Variants in PXDNL observed in about 807,000 individuals in gnomAD.
PXDNL encodes peroxidasin like.
A neutral mutation model predicts 150.8 loss-of-function variants in PXDNL; 145 were observed. The ratio of observed to expected loss-of-function variants is 0.96; its 90% confidence interval spans 0.84 to 1.10. The LOEUF (loss-of-function observed/expected upper bound fraction) is 1.10. Among genes scored for constraint, PXDNL ranks in the 50% least tolerant of loss-of-function variants. The probability of loss-of-function intolerance (pLI) is 0.00; values close to 1 mark genes in which losing one functional copy is unlikely to be tolerated. For missense variants in PXDNL, 2,087 were observed against 1,873.9 expected (o/e 1.11, Z -2.10); for synonymous variants, 757 against 725.7 (o/e 1.04, Z -0.69).
intron 4 of PXDNL, among the ~76,000 whole-genome samples, chr8:51,514,508 A>G (rs747326312): frequency 6.6e-6 from 1 of 152,232 alleles, no homozygotes; most frequent in Admixed American, 6.5e-5. Flanking sequence ...TGTTTTGATA[A>G]TTCAAATGTT....
chr8:51,408,060 T>C lies in PXDNL; in HGVS notation c.3557+7A>G. 6.3e-7 allele frequency: 1 copy of C among 1,593,562 alleles called. No individual in the cohort carries two copies. The highest frequency in any genetic ancestry group is 8.5e-7 in the Non-Finnish European group (1 of 1,171,296). ...TGTTTAAATCCAGGCAGCATTTGCA[T>C]ACTTACTTTCTCAGTTTTTGTCTAA... On this transcript the variant is annotated splice_region_variant and intron_variant, in intron 17 of 22. Coordinates refer to ENST00000356297, the MANE Select transcript of PXDNL (RefSeq NM_144651.5).
intron 1 of PXDNL, among the ~76,000 whole-genome samples, chr8:51,792,746 C>G (rs1209262888): frequency 6.6e-6 from 1 of 152,208 alleles, no homozygotes; most frequent in African/African-American, 2.4e-5. Context: ...CAGGCCAGAC[C>G]TTGACCCAGC....
Position 51,735,555 on chromosome 8 carries a change from T to TTTGTTTTTTTTTTG in PXDNL, c.164+73625_164+73626insCAAAAAAAAAACAA, listed in dbSNP as rs1554510840. 2.6e-5 allele frequency among the ~76,000 whole-genome samples: 3 copies of TTTGTTTTTTTTTTG among 114,712 alleles called. 1 individual carries two copies. The highest frequency in any genetic ancestry group is 5.3e-5 in the Non-Finnish European group (3 of 57,090). The allele number at this position is 114,712 out of a possible 152,430, so 75.3% of individuals were successfully genotyped here. On this transcript the variant is annotated intron_variant, in intron 1 of 22. Coordinates refer to ENST00000356297, the MANE Select transcript of PXDNL (RefSeq NM_144651.5). ...TTTTTTTTTTTTTTTTTTTTTTTTTTTTTTTTTTTGAGACGGAGTCTCGCT... is the reference window on the plus strand; with the variant it reads ...TTTTTTTTTTTTTTTTTTTTTTTTTTTTGTTTTTTTTTTGTTTTTTTTTGAGACGGAGTCTCGCT...
intron 1 of PXDNL, among the ~76,000 whole-genome samples, chr8:51,719,203 G>A (rs538435718): frequency 6.6e-6 from 1 of 152,362 alleles, no homozygotes; most frequent in Admixed American, 6.5e-5. Context: ...AATAGAAAAG[G>A]GGTAAATGTG....
chr8:51,429,508 G>A (rs1250709232), intron 12 of PXDNL, among the ~76,000 whole-genome samples: 1 of 152,062 alleles, frequency 6.6e-6, no homozygotes, highest in Admixed American at 6.6e-5. Flanking sequence ...TTGAACTGGG[G>A]AGGTGGAGGT....
chr8:51,607,557 G>C (rs554620757), intron 2 of PXDNL, among the ~76,000 whole-genome samples: 1 of 152,108 alleles, frequency 6.6e-6, no homozygotes, highest in East Asian at 1.9e-4. Context: ...AAAGCAGAGA[G>C]GGGCCGGGCA....
At chr8:51,782,384 A>G in intron 1 of PXDNL, among the ~76,000 whole-genome samples, 1 of 152,188 alleles carries the variant, frequency 6.6e-6, no homozygotes, top group East Asian at 1.9e-4. Flanking sequence ...GAAGTGTTGA[A>G]TCCTTAAATA....
intron 19 of PXDNL, among the ~76,000 whole-genome samples, chr8:51,368,410 G>A (rs1431765243): frequency 6.6e-6 from 1 of 152,010 alleles, no homozygotes; most frequent in East Asian, 1.9e-4. Flanking sequence ...CCATTTCAAT[G>A]TGTTTAGGAA....
intron 4 of PXDNL, among the ~76,000 whole-genome samples, chr8:51,503,500 G>A (rs1811228124): frequency 6.6e-6 from 1 of 152,156 alleles, no homozygotes; most frequent in Non-Finnish European, 1.5e-5. Flanking sequence ...AATAAGGAGG[G>A]AGTCAGCTTT....
At chr8:51,740,999 C>T (rs2036901716) in intron 1 of PXDNL, among the ~76,000 whole-genome samples, 1 of 152,162 alleles carries the variant, frequency 6.6e-6, no homozygotes, top group Non-Finnish European at 1.5e-5. Context: ...AGAAGTTCCT[C>T]CTTTTCAGCT....
chr8:51,689,302 G>A (rs960587172), intron 1 of PXDNL, among the ~76,000 whole-genome samples: 1 of 148,558 alleles, frequency 6.7e-6, no homozygotes, highest in Admixed American at 6.8e-5. Flanking sequence ...CCAACTTATG[G>A]GCCATCTCAG....
chr8:51,756,442 G>A (rs184767781), intron 1 of PXDNL, among the ~76,000 whole-genome samples: 1 of 150,176 alleles, frequency 6.7e-6, no homozygotes, highest in Non-Finnish European at 1.5e-5. Context: ...AAAAAGAAAT[G>A]CCTGAACCCA....
In PXDNL at chr8:51,562,057, G is replaced by T. The variant is rs1812730511; in HGVS notation, c.309-5146C>A. 7.3e-5 allele frequency among the ~76,000 whole-genome samples: 11 copies of T among 151,240 alleles called. 1 individual carries two copies. The highest frequency in any genetic ancestry group is 7.3e-4 in the Admixed American group (11 of 15,126). ...TTTTTCATATTTCAATATTTTCTAA[G>T]ATGATTATATATTGATATATTGCTT... On this transcript the variant is annotated intron_variant, in intron 3 of 22. Transcript: ENST00000356297.
rs1447099704 is a variant in PXDNL at position 51,644,331 on chromosome 8, TATATATACACACACACAC to T, written c.236+10340_236+10357del. Among the ~76,000 whole-genome samples the T allele has an allele frequency of 1.8e-3, 95 of 52,586 alleles. 27 individuals carry two copies. Among genetic ancestry groups the T allele is most frequent in the Non-Finnish European group, 4.0e-3 (74 of 18,548 alleles). 34.5% of individuals were successfully genotyped at this position (52,586 alleles called of 152,430 possible). A position where few individuals can be genotyped will look rare whatever the true frequency, so the allele number is the denominator to read the frequency against. ...AAAGGCACATTTTTACATATATATA[TATATATACACACACACAC>T]ACACACACACACACATATGTATATA... On this transcript the variant is annotated intron_variant, in intron 2 of 22. Transcript: ENST00000356297.
At chr8:51,436,559 C>G (rs1809412876) in intron 12 of PXDNL, 1 of 224,002 alleles carries the variant, frequency 4.5e-6, no homozygotes, top group Non-Finnish European at 9.3e-6. Flanking sequence ...CCAAAAGGAT[C>G]CCTCAAAACC....
intron 11 of PXDNL, 57 bp from the exon 12 acceptor site, chr8:51,447,219 C>A: frequency 6.4e-7 from 1 of 1,561,264 alleles, no homozygotes; most frequent in Non-Finnish European, 8.8e-7. Flanking sequence ...AAAGCCAGAG[C>A]TGCTGGCTGT....
chr8:51,724,597 C>T (rs185550076), intron 1 of PXDNL, among the ~76,000 whole-genome samples: 176 of 152,310 alleles, frequency 1.2e-3, no homozygotes, highest in Non-Finnish European at 2.0e-3. Flanking sequence ...TAGGCCACTG[C>T]GTGCCACCAT....
chr8:51,705,011 C>T (rs1457031686), intron 1 of PXDNL, among the ~76,000 whole-genome samples: 2 of 152,192 alleles, frequency 1.3e-5, no homozygotes, highest in Non-Finnish European at 2.9e-5. Context: ...TGCCCCAACA[C>T]TGTGGGCTGG....
At chr8:51,330,309 T>C (rs1442681939) in intron 21 of PXDNL, among the ~76,000 whole-genome samples, 2 of 152,064 alleles carry the variant, frequency 1.3e-5, no homozygotes, top group East Asian at 1.9e-4. Context: ...GATATGTCAA[T>C]AGTAACTTCC....
Sources: gnomAD v4.1 joint callset for allele counts (sites outside exome capture counted in the v4.1 genomes callset) on GRCh38, gnomAD v4.1.1 for gene constraint, MANE v1.5 for transcripts, NCBI Gene and HGNC (gene_info 2026-07-23, HGNC 2026-07-21) for gene names.